Variants in SLC44A1 observed in about 807,000 individuals in gnomAD.
SLC44A1 encodes solute carrier family 44 member 1, also known as choline transporter-like protein 1.
A neutral mutation model predicts 79.3 loss-of-function variants in SLC44A1; 26 were observed. The ratio of observed to expected loss-of-function variants is 0.33; its 90% CI spans 0.24 to 0.46. The LOEUF (loss-of-function observed/expected upper bound fraction) is 0.46. Among genes scored for constraint, SLC44A1 ranks in the 20% least tolerant of loss-of-function variants. The pLI, the probability that SLC44A1 is intolerant of heterozygous loss-of-function variation, is 1.00. For synonymous variants in SLC44A1, 263 were observed against 286.2 expected (o/e 0.92, Z 0.82); for missense variants, 688 against 798.1 (o/e 0.86, Z 1.66).
At chr9:105,331,771 T>C (rs1392565697) in intron 3 of SLC44A1, among the ~76,000 whole-genome samples, 1 of 152,230 alleles carries the variant, frequency 6.6e-6, no homozygotes, top group Non-Finnish European at 1.5e-5. Flanking sequence ...GTAGGAAATA[T>C]TTTGGAATAG....
chr9:105,427,267 C>T (rs1296304687), intron 15 of SLC44A1, among the ~76,000 whole-genome samples: 1 of 151,926 alleles, frequency 6.6e-6, no homozygotes. Context: ...TAGAATTTCC[C>T]AATGGTGTTA....
chr9:105,253,899 A>AT (rs1463133323), intron 1 of SLC44A1, among the ~76,000 whole-genome samples: 1 of 152,044 alleles, frequency 6.6e-6, no homozygotes, highest in Non-Finnish European at 1.5e-5. Flanking sequence ...AATTTTATGT[A>AT]TTTTTAGTAG....
chr9:105,390,979 A>G lies in SLC44A1; in HGVS notation c.*1923A>G. 1.0e-6 allele frequency: 1 copy of G among 984,246 alleles called. No individual in the cohort carries two copies. The highest frequency in any genetic ancestry group is 1.2e-6 in the Non-Finnish European group (1 of 828,456). 61.0% of individuals were successfully genotyped at this position (984,246 alleles called of 1,614,324 possible). On this transcript the variant is annotated 3_prime_UTR_variant, in exon 16 of 16. Coordinates refer to ENST00000374720, the MANE Select transcript of SLC44A1 (RefSeq NM_080546.5). ...TAACTAACAATTGTCCAAATAGATG[A>G]GAGAGCAAATCATGTGAGAAAATTC...
chr9:105,416,151 C>T (rs548827700), intron 15 of SLC44A1, among the ~76,000 whole-genome samples: 59 of 152,166 alleles, frequency 3.9e-4, no homozygotes, highest in African/African-American at 1.3e-3. Flanking sequence ...CCCATCTTGG[C>T]CTCCCAAAGT....
At chr9:105,409,521 CAA>C in intron 15 of SLC44A1, among the ~76,000 whole-genome samples, 1 of 152,246 alleles carries the variant, frequency 6.6e-6, no homozygotes, top group Middle Eastern at 3.4e-3. Context: ...CCTGTCTCTA[CAA>C]AAAGTTTTAA....
rs138421761 is a variant in SLC44A1 at position 105,271,515 on chromosome 9, G to A, written c.36+26611G>A. 5.3e-3 allele frequency among the ~76,000 whole-genome samples: 800 copies of A among 152,346 alleles called. 9 individuals carry two copies. Among genetic ancestry groups the A allele is most frequent in the African/African-American group, 0.018 (764 of 41,580 alleles). Reference sequence around the variant, plus strand: ...GAATGGTACGAGCAAACACATAGAAGTGTGAAATGTGTAATGTGTTTGGCA... The same window carrying A: ...GAATGGTACGAGCAAACACATAGAAATGTGAAATGTGTAATGTGTTTGGCA... On this transcript the variant is annotated intron_variant, in intron 1 of 15. Transcript: ENST00000374720.
At chr9:105,315,797 C>T (rs1485622584) in intron 3 of SLC44A1, among the ~76,000 whole-genome samples, 2 of 152,116 alleles carry the variant, frequency 1.3e-5, no homozygotes, top group Non-Finnish European at 2.9e-5. Context: ...ATGGAAGATC[C>T]TCTTATCAGC....
intron 15 of SLC44A1, among the ~76,000 whole-genome samples, chr9:105,424,716 G>A (rs1829297091): frequency 6.6e-6 from 1 of 152,122 alleles, no homozygotes; most frequent in South Asian, 2.1e-4. Context: ...GGAGGCCAAG[G>A]CAGGCGGATC....
intron 1 of SLC44A1, among the ~76,000 whole-genome samples, chr9:105,266,001 A>G (rs1006768425): frequency 5.9e-5 from 9 of 152,128 alleles, no homozygotes; most frequent in African/African-American, 1.9e-4. Flanking sequence ...TCTGTCACCC[A>G]GGCTGGAGTG....
chr9:105,381,802 A>G (rs1372399675), intron 13 of SLC44A1, among the ~76,000 whole-genome samples: 4 of 152,162 alleles, frequency 2.6e-5, no homozygotes, highest in Admixed American at 2.0e-4. Flanking sequence ...AGCTTAACCA[A>G]TGTATCATCT....
At chr9:105,275,886 T>A (rs1453272427) in intron 1 of SLC44A1, among the ~76,000 whole-genome samples, 1 of 150,900 alleles carries the variant, frequency 6.6e-6, no homozygotes, top group Non-Finnish European at 1.5e-5. Context: ...CTCACTGCAA[T>A]CTCCGCCTCC....
Position 105,395,206 on chromosome 9 carries a change from G to A in SLC44A1, c.*6150G>A. The stretch of plus-strand genomic sequence containing the variant: ...ACCCCACACTCCTAGAAAAGTTTGG[G>A]GGTTTTTTTTGTTTGTTTTTGGTGT... On this transcript the variant is annotated 3_prime_UTR_variant, in exon 16 of 16. Coordinates refer to ENST00000374720, the MANE Select transcript of SLC44A1 (RefSeq NM_080546.5). 1.0e-6 allele frequency: 1 copy of A among 985,008 alleles called. No individual in the cohort carries two copies. Among genetic ancestry groups the A allele is most frequent in the Non-Finnish European group, 1.2e-6 (1 of 829,616 alleles). The allele number at this position is 985,008 out of a possible 1,614,324, so 61.0% of individuals were successfully genotyped here.
intron 13 of SLC44A1, among the ~76,000 whole-genome samples, chr9:105,382,115 A>G (rs1322839952): frequency 6.6e-6 from 1 of 152,162 alleles, no homozygotes; most frequent in Non-Finnish European, 1.5e-5. Context: ...ACATCATAAG[A>G]CCATTATTTG....
At chr9:105,291,961 A>C (rs959033073) in intron 1 of SLC44A1, among the ~76,000 whole-genome samples, 18 of 152,204 alleles carry the variant, frequency 1.2e-4, no homozygotes, top group African/African-American at 4.3e-4. Context: ...CCAGTTGATC[A>C]GAAAAAAATA....
chr9:105,298,331 C>T (rs567108272), intron 1 of SLC44A1, among the ~76,000 whole-genome samples: 10 of 151,628 alleles, frequency 6.6e-5, no homozygotes, highest in East Asian at 5.8e-4. Context: ...ATAGGAATCC[C>T]GTTTTTGTTG....
At chr9:105,423,297 C>T (rs1443707905) in intron 15 of SLC44A1, among the ~76,000 whole-genome samples, 2 of 152,058 alleles carry the variant, frequency 1.3e-5, no homozygotes, top group Non-Finnish European at 2.9e-5. Flanking sequence ...AACCCTGTCT[C>T]TACTAAAAAT....
intron 1 of SLC44A1, among the ~76,000 whole-genome samples, chr9:105,272,063 A>C (rs2028850): frequency 6.6e-6 from 1 of 152,196 alleles, no homozygotes; most frequent in Non-Finnish European, 1.5e-5. Flanking sequence ...CCTCATCTTC[A>C]ACAGTATCTA....
rs75179581 is a variant in SLC44A1 at position 105,420,252 on chromosome 9, T to C, written c.1951-18029T>C. 2.5e-3 allele frequency among the ~76,000 whole-genome samples: 386 copies of C among 152,316 alleles called. 1 individual carries two copies. The highest frequency in any genetic ancestry group is 8.7e-3 in the African/African-American group (361 of 41,572). On this transcript the variant is annotated intron_variant, in intron 15 of 15. Coordinates refer to the SLC44A1 transcript ENST00000374724. ...AACAGAGGAAAGAGGCCAAATGTCC[T>C]ATTTTACTTCTTGTTAGAGTTCTAG...
intron 15 of SLC44A1, chr9:105,386,767 A>G (rs1828635951): frequency 6.6e-6 from 1 of 150,612 alleles, no homozygotes; most frequent in Admixed American, 6.6e-5. Context: ...TCATGTCTGT[A>G]ATCCTAGCAC....
Sources: allele counts gnomAD v4.1 joint callset (sites outside exome capture counted in the v4.1 genomes callset), GRCh38; gene constraint gnomAD v4.1.1; transcripts MANE v1.5; gene names NCBI Gene and HGNC (gene_info 2026-07-23, HGNC 2026-07-21).